The following ZFPM2 variants were observed in gnomAD, a reference collection of about 807,000 sequenced individuals.
ZFPM2 encodes the protein zinc finger protein ZFPM2.
ZFPM2 carries 20 observed loss-of-function variants against 98.6 expected under a neutral mutation model. The observed-to-expected ratio is 0.20, with a 90% CI of 0.14 to 0.29. The LOEUF (loss-of-function observed/expected upper bound fraction) is 0.29, where lower values mean the gene tolerates loss of function less well. Among genes scored for constraint, ZFPM2 ranks in the 10% least tolerant of loss-of-function variants. The pLI, the probability that ZFPM2 is intolerant of heterozygous loss-of-function variation, is 1.00. For synonymous variants in ZFPM2, 518 were observed against 502.7 expected (o/e 1.03, Z -0.41); for missense variants, 1,310 against 1,388.6 (o/e 0.94, Z 0.90).
intron 4 of ZFPM2, among the ~76,000 whole-genome samples, chr8:105,569,361 C>T (rs1299750431): frequency 1.3e-5 from 2 of 152,178 alleles, no homozygotes; most frequent in Non-Finnish European, 2.9e-5. Context: ...TTATTCAAGA[C>T]CCTGCATCCT....
intron 1 of ZFPM2, among the ~76,000 whole-genome samples, chr8:105,333,418 T>C (rs189879359): frequency 6.6e-6 from 1 of 151,882 alleles, no homozygotes; most frequent in African/African-American, 2.4e-5. Flanking sequence ...GGTAGTAGCT[T>C]TCCATTCATT....
At chr8:105,498,340 A>G (rs1001223634) in intron 3 of ZFPM2, among the ~76,000 whole-genome samples, 1 of 152,218 alleles carries the variant, frequency 6.6e-6, no homozygotes, top group African/African-American at 2.4e-5. Flanking sequence ...AAGAATTTTC[A>G]GTGGAATTTC....
At chr8:105,672,117 A>G (rs538566714) in intron 5 of ZFPM2, among the ~76,000 whole-genome samples, 30 of 152,154 alleles carry the variant, frequency 2.0e-4, no homozygotes, top group Admixed American at 1.6e-3. Context: ...CTATCTATAC[A>G]TTTGTTATTT....
intron 3 of ZFPM2, among the ~76,000 whole-genome samples, chr8:105,538,689 G>A (rs1814513487): frequency 6.6e-6 from 1 of 151,582 alleles, no homozygotes; most frequent in Admixed American, 6.6e-5. Context: ...CTGTTTAAAA[G>A]GATCTCATAG....
chr8:105,607,064 AT>A (rs1370095369), intron 4 of ZFPM2, among the ~76,000 whole-genome samples: 2 of 152,128 alleles, frequency 1.3e-5, no homozygotes, highest in Non-Finnish European at 2.9e-5. Context: ...CGTGCCTTTG[AT>A]TTTAAGATTT....
chr8:105,670,560 G>A (rs1363824037), intron 5 of ZFPM2, among the ~76,000 whole-genome samples: 2 of 148,016 alleles, frequency 1.4e-5, no homozygotes, highest in African/African-American at 5.0e-5. Flanking sequence ...GTCTGTGTAT[G>A]CGCGCCTTCA....
chr8:105,787,305 C>T (rs1813441694), intron 5 of ZFPM2: 1 of 152,164 alleles, frequency 6.6e-6, no homozygotes, highest in African/African-American at 2.4e-5. Context: ...CAGATACATT[C>T]GTGAAAAGTA....
chr8:105,637,843 TGA>T (rs1443654604), intron 5 of ZFPM2, among the ~76,000 whole-genome samples: 1 of 152,156 alleles, frequency 6.6e-6, no homozygotes, highest in Non-Finnish European at 1.5e-5. Context: ...AGTGTTAACT[TGA>T]AACTCCACAA....
chr8:105,429,049 T>C (rs538365434), intron 2 of ZFPM2, among the ~76,000 whole-genome samples: 4 of 152,248 alleles, frequency 2.6e-5, no homozygotes, highest in African/African-American at 9.6e-5. Flanking sequence ...GAAAGGAAGG[T>C]CTCTTTAAGG....
intron 5 of ZFPM2, among the ~76,000 whole-genome samples, chr8:105,642,553 A>G (rs1171645302): frequency 1.3e-5 from 2 of 152,126 alleles, no homozygotes; most frequent in South Asian, 2.1e-4. Flanking sequence ...CAGAATTTAA[A>G]TTGTTTCCTA....
At chr8:105,368,218 TATCAGAA>T (rs1810546876) in intron 1 of ZFPM2, among the ~76,000 whole-genome samples, 1 of 150,376 alleles carries the variant, frequency 6.6e-6, no homozygotes. Context: ...CCAGCTTTGG[TATCAGAA>T]TGATGCTGGC....
intron 3 of ZFPM2, among the ~76,000 whole-genome samples, chr8:105,533,469 CT>C (rs959392537): frequency 3.3e-5 from 5 of 152,170 alleles, no homozygotes; most frequent in African/African-American, 1.2e-4. Context: ...TAAAATGCTT[CT>C]TATGTATCTG....
At chr8:105,440,834 G>T (rs538240103) in intron 2 of ZFPM2, among the ~76,000 whole-genome samples, 27 of 152,286 alleles carry the variant, frequency 1.8e-4, no homozygotes, top group African/African-American at 6.3e-4. Context: ...TATGCTATCA[G>T]TGCCTCCGGT....
At chr8:105,492,352 A>G (rs1813371921) in intron 3 of ZFPM2, among the ~76,000 whole-genome samples, 1 of 152,190 alleles carries the variant, frequency 6.6e-6, no homozygotes, top group South Asian at 2.1e-4. Context: ...AAACTCCACT[A>G]AAGGTAATTG....
At chr8:105,589,903 A>G (rs1474468720) in intron 4 of ZFPM2, among the ~76,000 whole-genome samples, 1 of 151,276 alleles carries the variant, frequency 6.6e-6, no homozygotes, top group Admixed American at 6.6e-5. Context: ...TGTATTTTTT[A>G]GTAGAGACAG....
intron 1 of ZFPM2, among the ~76,000 whole-genome samples, chr8:105,334,440 C>T (rs1459142832): frequency 6.6e-6 from 1 of 151,474 alleles, no homozygotes; most frequent in Non-Finnish European, 1.5e-5. Context: ...GAAGATTATG[C>T]TCACTTTTAC....
chr8:105,441,927 A>G lies in ZFPM2; in HGVS notation c.200-2353A>G, dbSNP rs371244484. Among the ~76,000 whole-genome samples, 77 of 152,314 alleles carry G rather than the reference A, an allele frequency of 5.1e-4. No homozygotes were observed. In the South Asian group the frequency reaches 7.5e-3, roughly 15 times the overall value. On this transcript the variant is annotated intron_variant, in intron 2 of 7. Transcript: ENST00000407775. ...AGGGCTAGCGTCTATGTAACCTGCA[A>G]AATGGGGCACAGAAGATAAACCCTT...
At chr8:105,498,678 A>C (rs1188186528) in intron 3 of ZFPM2, among the ~76,000 whole-genome samples, 1 of 152,190 alleles carries the variant, frequency 6.6e-6, no homozygotes, top group Admixed American at 6.5e-5. Flanking sequence ...TGGAGGGAAG[A>C]GCATATGCAA....
At chr8:105,743,881 G>T (rs1201176291) in intron 5 of ZFPM2, among the ~76,000 whole-genome samples, 3 of 152,062 alleles carry the variant, frequency 2.0e-5, no homozygotes, top group Non-Finnish European at 2.9e-5. Flanking sequence ...CGTGTTCATA[G>T]ATTTCTCTTA....
Sources: gnomAD v4.1 joint callset for allele counts (sites outside exome capture counted in the v4.1 genomes callset) on GRCh38, gnomAD v4.1.1 for gene constraint, MANE v1.5 for transcripts, NCBI Gene and HGNC (gene_info 2026-07-23, HGNC 2026-07-21) for gene names.